Variants in UNKL observed in about 807,000 individuals in gnomAD.
UNKL encodes the protein unk like zinc finger, also known as putative E3 ubiquitin-protein ligase UNKL.
Under a neutral mutation model 78.0 loss-of-function variants are expected in UNKL, and 60 were observed. The ratio of observed to expected loss-of-function variants is 0.77; its 90% CI spans 0.63 to 0.95. UNKL has a LOEUF of 0.95. Among genes scored for constraint, UNKL ranks in the 40% least tolerant of loss-of-function variants. The probability of loss-of-function intolerance (pLI) is 0.00; values close to 1 mark genes in which losing one functional copy is unlikely to be tolerated. For synonymous variants in UNKL, 608 were observed against 474.8 expected, an observed-to-expected ratio of 1.28 and a Z score of -3.65; for missense variants, 1,159 against 1,045.7, an observed-to-expected ratio of 1.11 and a Z score of -1.49.
intron 1 of UNKL, 165 bp from the exon 2 acceptor site, chr16:1,414,220 G>C (rs2038176627): frequency 1.4e-6 from 1 of 692,010 alleles, no homozygotes; most frequent in East Asian, 2.9e-5. Flanking sequence ...CCCGACTCCA[G>C]ACGCGACCCT....
intron 10 of UNKL, among the ~76,000 whole-genome samples, chr16:1,376,618 G>C (rs2036245033): frequency 6.6e-6 from 1 of 152,080 alleles, no homozygotes; most frequent in African/African-American, 2.4e-5. Flanking sequence ...ACTGGCTCAG[G>C]GTCCCACCCT....
In UNKL at chr16:1,403,359, GGCACGCAATGC is replaced by G; in HGVS notation, c.288-26_288-16del. 6.2e-7 allele frequency: 1 copy of G among 1,612,654 alleles called. No homozygotes were observed. Among genetic ancestry groups the G allele is most frequent in the Non-Finnish European group, 8.5e-7 (1 of 1,179,238 alleles). On this transcript the variant is annotated splice_polypyrimidine_tract_variant and intron_variant, in intron 2 of 14. Transcript: ENST00000389221. The surrounding 1 kb of genome is among the most constrained non-coding windows in gnomAD (Gnocchi z 4.8). ...GGTAGGGACACCTGGGGAGCAGAGAGGCACGCAATGCCTGGTTATCATGGACCCAGAGGCAG... is the reference window on the plus strand; with the variant it reads ...GGTAGGGACACCTGGGGAGCAGAGAGCTGGTTATCATGGACCCAGAGGCAG...
intron 9 of UNKL, among the ~76,000 whole-genome samples, chr16:1,390,298 G>T (rs11248876): frequency 0.92 from 140,259 of 152,268 alleles, 64,698 homozygotes; most frequent in East Asian, 1. Flanking sequence ...TTCTGCTGTT[G>T]GAACGGCCCC....
Position 1,365,067 on chromosome 16 carries a change from C to G in UNKL, c.*1173G>C. 1 of 151,984 alleles carries G rather than the reference C, an allele frequency of 6.6e-6. No individual in the cohort carries two copies. The highest frequency in any genetic ancestry group is 1.5e-5 in the Non-Finnish European group (1 of 68,478). The allele number at this position is 151,984 out of a possible 1,614,324, so 9.4% of individuals were successfully genotyped here. On this transcript the variant is annotated 3_prime_UTR_variant, in exon 15 of 15. Coordinates refer to ENST00000389221, the MANE Select transcript of UNKL (RefSeq NM_001372107.1). ...GGAGTGCGGTGGCGCGATCTCGGCT[C>G]ACTGCAACCTCTGCCTCCCAGGTTC... is the stretch of plus-strand genomic sequence containing the variant.
At position 1,367,247 on chromosome 16, in the gene UNKL, C is replaced by A; in HGVS notation, c.1891G>T (p.Ala631Ser). ...LALQKKEEVEAQVKQLQEELE... is the reference protein window; with the variant it reads ...LALQKKEEVESQVKQLQEELE... ...TCCTCCTGCAGCTGCTTCACCTGTGCCTCCACCTCCTCCTTCTTCTGCAGC... is the reference window on the plus strand; with the variant it reads ...TCCTCCTGCAGCTGCTTCACCTGTGACTCCACCTCCTCCTTCTTCTGCAGC... The change falls in exon 14 of 15, where the codon GCA becomes TCA. Residue 631 changes from alanine (A) to serine (S), a missense_variant. By Grantham distance (99) the Ala-to-Ser change is moderately conservative. Coordinates refer to ENST00000389221, the MANE Select transcript of UNKL (RefSeq NM_001372107.1). 6.3e-7 allele frequency: 1 copy of A among 1,589,788 alleles called. No homozygotes were observed. Among genetic ancestry groups the A allele is most frequent in the Non-Finnish European group, 8.5e-7 (1 of 1,171,848 alleles).
chr16:1,392,594 C>T (rs1385664640), intron 8 of UNKL, among the ~76,000 whole-genome samples: 1 of 152,192 alleles, frequency 6.6e-6, no homozygotes, highest in Non-Finnish European at 1.5e-5. Flanking sequence ...ACCACCACAC[C>T]TGGTTAATTT....
chr16:1,413,799 G>GA (rs2038157259), intron 2 of UNKL, 47 bp downstream of exon 2: 1 of 1,476,194 alleles, frequency 6.8e-7, no homozygotes, highest in South Asian at 1.3e-5. Context: ...CCGGGTGGAG[G>GA]CCCCCCACCT....
chr16:1,399,167 G>A lies in UNKL; in HGVS notation c.734+207C>T, dbSNP rs569023162. On this transcript the variant is annotated intron_variant, in intron 5 of 14. Coordinates refer to ENST00000389221, the MANE Select transcript of UNKL (RefSeq NM_001372107.1). The surrounding 1 kb of genome is among the most constrained non-coding windows in gnomAD (Gnocchi z 5.8). Reference sequence around the variant, plus strand: ...GACTGCATGGGAGACACTGAGCGTAGGTGGGGAGGCCCATCCCCAGGACAG... The same window carrying A: ...GACTGCATGGGAGACACTGAGCGTAAGTGGGGAGGCCCATCCCCAGGACAG... The A allele has an allele frequency of 9.0e-7, 1 of 1,110,410 alleles. No homozygotes were observed. Among genetic ancestry groups the A allele is most frequent in the East Asian group, 2.7e-5 (1 of 37,634 alleles). 68.8% of individuals were successfully genotyped at this position (1,110,410 alleles called of 1,614,324 possible).
At chr16:1,372,662 G>A (rs2035953048) in intron 10 of UNKL, among the ~76,000 whole-genome samples, 1 of 152,216 alleles carries the variant, frequency 6.6e-6, no homozygotes, top group Non-Finnish European at 1.5e-5. Flanking sequence ...GGGGTGAGGG[G>A]TGACCAGAGG....
chr16:1,377,654 G>C (rs2036334218), intron 10 of UNKL, among the ~76,000 whole-genome samples: 1 of 152,076 alleles, frequency 6.6e-6, no homozygotes, highest in Non-Finnish European at 1.5e-5. Context: ...CCTCCTCCCT[G>C]AGGGCTGGCA....
At chr16:1,409,568 T>C (rs918330185) in intron 2 of UNKL, among the ~76,000 whole-genome samples, 8 of 152,172 alleles carry the variant, frequency 5.3e-5, no homozygotes, top group African/African-American at 1.4e-4. Flanking sequence ...ACAGGCATCT[T>C]AGCCCCACTT....
At chr16:1,367,505 CCT>C (rs1219825483) in intron 13 of UNKL, 149 bp downstream of exon 13, 32,318 of 717,776 alleles carry the variant, frequency 0.045, 1,331 homozygotes, top group Middle Eastern at 0.079. Context: ...TCCCTCCCTC[CCT>C]CCCTCCCCCT....
chr16:1,379,771 G>A, intron 10 of UNKL: 1 of 839,798 alleles, frequency 1.2e-6, no homozygotes, highest in Non-Finnish European at 1.4e-6. Context: ...CGCCCCCCGC[G>A]CTGCCCTCCC....
In UNKL at chr16:1,414,615, C is replaced by T; in HGVS notation, c.77G>A (p.Arg26Lys). 1 of 1,089,536 alleles carries T rather than the reference C, an allele frequency of 9.2e-7. No homozygotes were observed. Among genetic ancestry groups the T allele is most frequent in the Non-Finnish European group, 1.1e-6 (1 of 890,262 alleles). The allele number at this position is 1,089,536 out of a possible 1,614,324, so 67.5% of individuals were successfully genotyped here. A position where few individuals can be genotyped will look rare whatever the true frequency, so the allele number is the denominator to read the frequency against. The change falls in exon 1 of 15, where the codon AGG becomes AAG. Residue 26 changes from arginine to lysine, a missense_variant and splice_region_variant. Physicochemically the swap from Arg to Lys is conservative, Grantham distance 26 (BLOSUM62 2). Transcript: ENST00000389221. The stretch of plus-strand genomic sequence containing the variant: ...GGCCGCAGGCCGGACGGGCGCTGAC[C>T]TGTAGTGGGTCGGCTTCTCAGTCTG... ...PPQTEKPTHY[R>K]YLKEFRTEQC...
chr16:1,391,935 G>A (rs1477835097), intron 8 of UNKL, among the ~76,000 whole-genome samples: 3 of 151,854 alleles, frequency 2.0e-5, no homozygotes, highest in Non-Finnish European at 4.4e-5. Flanking sequence ...TGATCCACCC[G>A]CCTTGGCCTC....
At chr16:1,413,331 G>T (rs2038130966) in intron 2 of UNKL, among the ~76,000 whole-genome samples, 1 of 150,966 alleles carries the variant, frequency 6.6e-6, no homozygotes, top group African/African-American at 2.4e-5. Flanking sequence ...CACTTTGGGA[G>T]GCCGAGGTGG....
In UNKL at chr16:1,401,731, T is replaced by G. The variant is rs1567233424; in HGVS notation, c.465-30A>C. The G allele has an allele frequency of 9.4e-6, 15 of 1,588,882 alleles. 1 individual carries two copies. The South Asian group carries it at 1.7e-4, about 18-fold the overall frequency. ...AAGCCGAGGACACAGTGGTCACAGC[T>G]CTGCATCTGGAGCCTCCAAAGCTGA... On this transcript the variant is annotated intron_variant, in intron 3 of 14. Coordinates refer to ENST00000389221, the MANE Select transcript of UNKL (RefSeq NM_001372107.1).
chr16:1,395,109 C>T (rs1055312835), intron 6 of UNKL, among the ~76,000 whole-genome samples: 2 of 151,826 alleles, frequency 1.3e-5, no homozygotes, highest in Non-Finnish European at 2.9e-5. Flanking sequence ...AACTCCTGAC[C>T]TCGGCCCCAC....
intron 6 of UNKL, 135 bp downstream of exon 6, chr16:1,397,043 C>T (rs1046598423): frequency 1.3e-5 from 12 of 945,204 alleles, no homozygotes; most frequent in East Asian, 2.7e-5. Context: ...CCTCCACCCC[C>T]AGGCTTCCCG....
Sources: allele counts gnomAD v4.1 joint callset (sites outside exome capture counted in the v4.1 genomes callset), GRCh38; gene constraint gnomAD v4.1.1; non-coding constraint Gnocchi (gnomAD v3.1); transcripts MANE v1.5; gene names NCBI Gene and HGNC (gene_info 2026-07-23, HGNC 2026-07-21).